Variants in ADAM10 observed in about 807,000 individuals in gnomAD.
ADAM10 encodes the protein ADAM metallopeptidase domain 10.
In ADAM10, 17 loss-of-function variants were observed where a neutral mutation model predicts 90.1. That is an observed-to-expected ratio of 0.19 (90% CI 0.13 to 0.28). ADAM10 has a LOEUF of 0.28. Ranked by LOEUF, ADAM10 falls within the 10% of genes least tolerant of loss-of-function variation. ADAM10 has a pLI of 1.00. For missense variants in ADAM10, 610 were observed against 914.3 expected, an observed-to-expected ratio of 0.67 and a Z score of 4.29; for synonymous variants, 310 against 298.6, an observed-to-expected ratio of 1.04 and a Z score of -0.40.
chr15:58,704,750 T>C (rs1256681645), intron 2 of ADAM10, among the ~76,000 whole-genome samples: 1 of 152,184 alleles, frequency 6.6e-6, no homozygotes, highest in African/African-American at 2.4e-5. Context: ...AGAGCACTTT[T>C]ACATATATTA....
intron 5 of ADAM10, among the ~76,000 whole-genome samples, chr15:58,658,593 C>G (rs528161029): frequency 6.6e-6 from 1 of 152,126 alleles, no homozygotes; most frequent in African/African-American, 2.4e-5. Context: ...TTGGGGAGAA[C>G]TGACATATTA....
chr15:58,616,059 T>C (rs1384446511), intron 11 of ADAM10, among the ~76,000 whole-genome samples: 2 of 151,980 alleles, frequency 1.3e-5, no homozygotes, highest in Non-Finnish European at 2.9e-5. Context: ...AGTGATAAAA[T>C]GTTCCATTCA....
At chr15:58,656,326 A>G (rs909608566) in intron 5 of ADAM10, among the ~76,000 whole-genome samples, 1 of 152,124 alleles carries the variant, frequency 6.6e-6, no homozygotes, top group African/African-American at 2.4e-5. Flanking sequence ...GTTATTACTG[A>G]TAAGTAAGGA....
chr15:58,624,792 C>T (rs1297384313), intron 10 of ADAM10, among the ~76,000 whole-genome samples: 1 of 152,168 alleles, frequency 6.6e-6, no homozygotes, highest in African/African-American at 2.4e-5. Context: ...CTTGGCCTCC[C>T]AAAGTGCTGC....
intron 2 of ADAM10, among the ~76,000 whole-genome samples, chr15:58,710,753 T>C (rs1402101835): frequency 2.6e-5 from 4 of 152,318 alleles, no homozygotes; most frequent in South Asian, 2.1e-4. Flanking sequence ...TCTATAACAA[T>C]AGTATTTTTA....
intron 11 of ADAM10, among the ~76,000 whole-genome samples, chr15:58,617,624 C>T (rs1394152649): frequency 6.6e-6 from 1 of 152,088 alleles, no homozygotes; most frequent in African/African-American, 2.4e-5. Flanking sequence ...CAAACTGTTC[C>T]TGTTTGTAGA....
intron 1 of ADAM10, among the ~76,000 whole-genome samples, chr15:58,742,931 T>G (rs1052213919): frequency 6.6e-6 from 1 of 152,158 alleles, no homozygotes; most frequent in African/African-American, 2.4e-5. Context: ...TGGTGGCGTG[T>G]GCCTGTGGTC....
At chr15:58,649,092 C>A (rs1451152904) in intron 5 of ADAM10, among the ~76,000 whole-genome samples, 1 of 151,978 alleles carries the variant, frequency 6.6e-6, no homozygotes, top group Non-Finnish European at 1.5e-5. Context: ...GGGTTTAAAT[C>A]TCCAATTTTA....
intron 2 of ADAM10, among the ~76,000 whole-genome samples, chr15:58,711,931 G>C (rs1642151450): frequency 6.6e-6 from 1 of 152,100 alleles, no homozygotes; most frequent in South Asian, 2.1e-4. Flanking sequence ...GAAGAAGAAA[G>C]AGTGGAGTGA....
At chr15:58,699,056 T>A (rs1392512620) in intron 2 of ADAM10, among the ~76,000 whole-genome samples, 1 of 152,090 alleles carries the variant, frequency 6.6e-6, no homozygotes. Context: ...CAGAAAAGCA[T>A]CTCATCATTT....
At chr15:58,659,412 T>G (rs1252754378) in intron 5 of ADAM10, among the ~76,000 whole-genome samples, 1 of 152,180 alleles carries the variant, frequency 6.6e-6, no homozygotes, top group Non-Finnish European at 1.5e-5. Flanking sequence ...ATTTTTAGTT[T>G]GCCATGTGTT....
chr15:58,610,921 A>C, intron 13 of ADAM10, 78 bp downstream of exon 13: 1 of 1,138,608 alleles, frequency 8.8e-7, no homozygotes, highest in Non-Finnish European at 1.3e-6. Flanking sequence ...ACTGTAGGTC[A>C]AAGTTTTACA....
At chr15:58,617,131 T>A (rs1895637405) in intron 11 of ADAM10, among the ~76,000 whole-genome samples, 5 of 151,274 alleles carry the variant, frequency 3.3e-5, no homozygotes, top group South Asian at 4.2e-4. Flanking sequence ...AATAAAAAAA[T>A]AAAATAAAAA....
At chr15:58,741,922 A>G (rs1319651456) in intron 1 of ADAM10, among the ~76,000 whole-genome samples, 1 of 152,128 alleles carries the variant, frequency 6.6e-6, no homozygotes, top group Non-Finnish European at 1.5e-5. Context: ...CCTGACACAG[A>G]CTATCGATTC....
chr15:58,745,216 T>C (rs1899753176), intron 1 of ADAM10, among the ~76,000 whole-genome samples: 1 of 152,218 alleles, frequency 6.6e-6, no homozygotes, highest in African/African-American at 2.4e-5. Flanking sequence ...GAGTTTGTTA[T>C]ATGGACATCA....
chr15:58,679,152 G>C lies in ADAM10; in HGVS notation c.456C>G (p.His152Gln). 1 of 1,613,912 alleles carries C rather than the reference G, an allele frequency of 6.2e-7. No individual in the cohort carries two copies. Among genetic ancestry groups the C allele is most frequent in the Non-Finnish European group, 8.5e-7 (1 of 1,179,942 alleles). Residue 152 changes from histidine (H) to glutamine (Q), a missense_variant, in exon 4 of 16, where the codon CAC becomes CAG. By Grantham distance (24) the His-to-Gln change is conservative. Transcript: ENST00000260408. The stretch of plus-strand genomic sequence containing the variant: ...TATCATCTTCATGATAAATGACAGA[G>C]TGAAATGGCAGAGTTCGGTCTTTAA... ...RYIKDRTLPF[H>Q]SVIYHEDDIN...
intron 2 of ADAM10, among the ~76,000 whole-genome samples, chr15:58,710,767 C>T (rs573892000): frequency 6.6e-6 from 1 of 152,036 alleles, no homozygotes; most frequent in Admixed American, 6.6e-5. Flanking sequence ...ATTTTTACAC[C>T]ATTCAAATTT....
At chr15:58,613,246 A>C in intron 11 of ADAM10, among the ~76,000 whole-genome samples, 1 of 152,328 alleles carries the variant, frequency 6.6e-6, no homozygotes, top group African/African-American at 2.4e-5. Context: ...CCTACCTGGA[A>C]AAAGAAGCAC....
intron 2 of ADAM10, among the ~76,000 whole-genome samples, chr15:58,707,843 G>A (rs537188541): frequency 4.6e-5 from 7 of 152,276 alleles, no homozygotes; most frequent in African/African-American, 1.2e-4. Context: ...TTGGGAGCCC[G>A]AGGCAGGTGG....
Sources: gnomAD v4.1 joint callset for allele counts (sites outside exome capture counted in the v4.1 genomes callset) on GRCh38, gnomAD v4.1.1 for gene constraint, MANE v1.5 for transcripts, NCBI Gene and HGNC (gene_info 2026-07-23, HGNC 2026-07-21) for gene names.